The following FAM131B variants were observed in gnomAD, a reference collection of about 807,000 sequenced individuals.
FAM131B encodes protein FAM131B.
A neutral mutation model predicts 42.0 loss-of-function variants in FAM131B; 19 were observed. The observed-to-expected ratio is 0.45, with a 90% CI of 0.32 to 0.66. The LOEUF (loss-of-function observed/expected upper bound fraction) is 0.66, where lower values mean the gene tolerates loss of function less well. Ranked by LOEUF, FAM131B falls within the 30% of genes least tolerant of loss-of-function variation. The pLI is 0.05. For synonymous variants in FAM131B, 183 were observed against 177.6 expected (o/e 1.03, Z -0.24); for missense variants, 370 against 468.4 (o/e 0.79, Z 1.94).
rs1418776109 is a variant in FAM131B, at chr7:143,360,173, G to GC, written c.29-25dup. 10 of 1,582,510 alleles carry GC rather than the reference G, an allele frequency of 6.3e-6. 1 individual carries two copies. Among genetic ancestry groups the GC allele is most frequent in the Non-Finnish European group, 8.6e-6 (10 of 1,162,832 alleles). On this transcript the variant is annotated intron_variant, in intron 1 of 6. Transcript: ENST00000443739. ...CCCTGAGGGGGCCAGAAGGTTAGCC[G>GC]CCGGCCCTCACCTCCCTGTGCAGCC...
chr7:143,357,952 T>A (rs1164928255), intron 5 of FAM131B, among the ~76,000 whole-genome samples: 1 of 152,210 alleles, frequency 6.6e-6, no homozygotes, highest in Non-Finnish European at 1.5e-5. Flanking sequence ...AATTCGAGAT[T>A]TCCAGATATT....
In FAM131B at chr7:143,354,195, A is replaced by G. The variant is rs915691054; in HGVS notation, c.*2355T>C. ...CCCCACCTGACTTCCATCTGCAGCA[A>G]TATGCCAGCACCCTGGGGAAAGCAG... On this transcript the variant is annotated 3_prime_UTR_variant, in exon 7 of 7. Coordinates refer to ENST00000443739, the MANE Select transcript of FAM131B (RefSeq NM_001031690.3). 10 of 152,558 alleles carry G rather than the reference A, an allele frequency of 6.6e-5. No homozygotes were observed. The highest frequency in any genetic ancestry group is 2.4e-4 in the African/African-American group (10 of 41,406). 9.5% of individuals were successfully genotyped at this position (152,558 alleles called of 1,614,324 possible).
At chr7:143,381,572 A>G in the FAM131B span, 4 of 1,609,174 alleles carry the variant, frequency 2.5e-6, no homozygotes, top group Non-Finnish European at 3.4e-6. Flanking sequence ...CGGCCCGGCC[A>G]TGGCGGCCCC....
Position 143,356,098 on chromosome 7 carries a change from C to A in FAM131B, c.*452G>T, listed in dbSNP as rs544253210. The stretch of plus-strand genomic sequence containing the variant: ...CAGTAGGGATGAGCTGGGGCCACAG[C>A]CAGAGAAAACAGAGTTGGGAAAAGC... On this transcript the variant is annotated 3_prime_UTR_variant, in exon 7 of 7. Coordinates refer to ENST00000443739, the MANE Select transcript of FAM131B (RefSeq NM_001031690.3). The surrounding 1 kb of genome is among the most constrained non-coding windows in gnomAD (Gnocchi z 4.4). 1.7e-4 allele frequency: 30 copies of A among 176,882 alleles called. No individual in the cohort carries two copies. The highest frequency in any genetic ancestry group is 3.2e-4 in the Non-Finnish European group (26 of 82,422). The allele number at this position is 176,882 out of a possible 1,614,324, so 11.0% of individuals were successfully genotyped here. A position where few individuals can be genotyped will look rare whatever the true frequency, so the allele number is the denominator to read the frequency against.
chr7:143,381,813 A>T, the FAM131B span: 9 of 1,495,354 alleles, frequency 6.0e-6, no homozygotes, highest in Non-Finnish European at 8.0e-6. Flanking sequence ...GTACCCCGGC[A>T]GGAGCCGGGG....
intron 1 of FAM131B, chr7:143,360,594 T>C (rs983361917): frequency 5.7e-6 from 1 of 175,820 alleles, no homozygotes; most frequent in Non-Finnish European, 1.2e-5. Flanking sequence ...AGTCCATGAG[T>C]CTGACTGACT....
In FAM131B at chr7:143,362,239, G is replaced by T. The variant is rs1211271702; in HGVS notation, c.28+337C>A. Among the ~76,000 whole-genome samples the T allele has an allele frequency of 6.6e-6, 1 of 152,104 alleles. No homozygotes were observed. The highest frequency in any genetic ancestry group is 1.5e-5 in the Non-Finnish European group (1 of 68,004). ...GCGCTGGGGACGGCGGAGCAGAGGCGGATGGCCTGGAGGGGCAGGGATGAG... is the reference window on the plus strand; with the variant it reads ...GCGCTGGGGACGGCGGAGCAGAGGCTGATGGCCTGGAGGGGCAGGGATGAG... On this transcript the variant is annotated intron_variant, in intron 1 of 6. Coordinates refer to ENST00000443739, the MANE Select transcript of FAM131B (RefSeq NM_001031690.3). The surrounding 1 kb of genome is among the most constrained non-coding windows in gnomAD (Gnocchi z 7.7).
chr7:143,373,026 A>G, the FAM131B span, among the ~76,000 whole-genome samples: 1 of 152,148 alleles, frequency 6.6e-6, no homozygotes, highest in Non-Finnish European at 1.5e-5. Context: ...TGGTTACACC[A>G]TTAGTGGTTA....
At chr7:143,373,663 A>G in the FAM131B span, among the ~76,000 whole-genome samples, 1 of 152,176 alleles carries the variant, frequency 6.6e-6, no homozygotes, top group Non-Finnish European at 1.5e-5. Flanking sequence ...ATGCTTGCTG[A>G]AAAGGGCCTA....
Position 143,355,232 on chromosome 7 carries a change from G to A in FAM131B, c.*1318C>T, listed in dbSNP as rs1167325775. ...GCCCATCCTCTGCCTGTGCTCTCAC[G>A]GTAGTGCTGGGGCGCATATGCTGCT... is the stretch of plus-strand genomic sequence containing the variant. On this transcript the variant is annotated 3_prime_UTR_variant, in exon 7 of 7. Coordinates refer to ENST00000443739, the MANE Select transcript of FAM131B (RefSeq NM_001031690.3). The surrounding 1 kb of genome is among the most constrained non-coding windows in gnomAD (Gnocchi z 4.1). 1 of 152,420 alleles carries A rather than the reference G, an allele frequency of 6.6e-6. No individual in the cohort carries two copies. The highest frequency in any genetic ancestry group is 1.5e-5 in the Non-Finnish European group (1 of 68,202). The allele number at this position is 152,420 out of a possible 1,614,324, so 9.4% of individuals were successfully genotyped here.
rs1803884223 is a variant in FAM131B at position 143,360,121 on chromosome 7, C to T, written c.57G>A (p.Lys19=). 8 of 1,613,674 alleles carry T rather than the reference C, an allele frequency of 5.0e-6. 2 individuals are homozygous for T. In the South Asian group the frequency reaches 8.8e-5, roughly 18 times the overall value. ...TGATTTGATCGACATCCTTCAGGCC[C>T]TTCCAATCCACTGCAATCACCTCAT... The part of the protein sequence containing the change: ...VGNEVIAVDW[K]GLKDVDQINM... Residue 19 remains lysine (K), a synonymous_variant, in exon 2 of 7, where the codon AAG becomes AAA. Coordinates refer to ENST00000443739, the MANE Select transcript of FAM131B (RefSeq NM_001031690.3).
upstream of FAM131B, among the ~76,000 whole-genome samples, chr7:143,366,243 T>A (rs1804179903): frequency 6.6e-6 from 1 of 152,254 alleles, no homozygotes; most frequent in Admixed American, 6.5e-5. Context: ...AATACATCTA[T>A]CTACATTTCT....
At chr7:143,370,469 C>T in the FAM131B span, among the ~76,000 whole-genome samples, 154 of 152,246 alleles carry the variant, frequency 1.0e-3, no homozygotes, top group Non-Finnish European at 1.7e-3. Flanking sequence ...TTCTAAGTCA[C>T]AGGATGAGAT....
At chr7:143,366,029 G>A (rs1388410847), upstream of FAM131B, among the ~76,000 whole-genome samples, 1 of 152,180 alleles carries the variant, frequency 6.6e-6, no homozygotes, top group Non-Finnish European at 1.5e-5. Flanking sequence ...TTGAATTACA[G>A]GTGTGAGCCA....
At chr7:143,380,441 T>G in the FAM131B span, 1 of 984,398 alleles carries the variant, frequency 1.0e-6, no homozygotes, top group Non-Finnish European at 1.2e-6. The surrounding 1 kb of genome is among the most constrained non-coding windows in gnomAD (Gnocchi z 5.0). Context: ...TCGCCCGGGG[T>G]CTCCAAGAGG....
In FAM131B at chr7:143,362,531, G is replaced by T; in HGVS notation, c.28+45C>A. 12 of 1,088,598 alleles carry T rather than the reference G, an allele frequency of 1.1e-5. No individual in the cohort carries two copies. The highest frequency in any genetic ancestry group is 1.4e-5 in the Non-Finnish European group (12 of 859,112). The allele number at this position is 1,088,598 out of a possible 1,614,324, so 67.4% of individuals were successfully genotyped here. On this transcript the variant is annotated intron_variant, in intron 1 of 6. Transcript: ENST00000443739. The surrounding 1 kb of genome is among the most constrained non-coding windows in gnomAD (Gnocchi z 7.7). ...GGGATGGGGGAGGGGGTCGGAGGGCGGCCCGGGGGGCCCAGCCCTGCCCCC... is the reference window on the plus strand; with the variant it reads ...GGGATGGGGGAGGGGGTCGGAGGGCTGCCCGGGGGGCCCAGCCCTGCCCCC...
the FAM131B span, among the ~76,000 whole-genome samples, chr7:143,368,388 T>C: frequency 1.3e-5 from 2 of 152,240 alleles, no homozygotes; most frequent in Non-Finnish European, 2.9e-5. Context: ...TAGGCCTATC[T>C]GCCAGTTTTA....
At position 143,359,873 on chromosome 7, in the gene FAM131B, T is replaced by G. The variant is rs1361265323; in HGVS notation, c.139-106A>C. ...CAGGAGTGCGGGATGTGGGGAGGGC[T>G]TTCCTGAGGTTGATGCCGCTAACTG... is the stretch of plus-strand genomic sequence containing the variant. On this transcript the variant is annotated intron_variant, in intron 2 of 6. Coordinates refer to ENST00000443739, the MANE Select transcript of FAM131B (RefSeq NM_001031690.3). The surrounding 1 kb of genome is among the most constrained non-coding windows in gnomAD (Gnocchi z 5.4). 9.5e-6 allele frequency: 11 copies of G among 1,154,334 alleles called. No homozygotes were observed. Among genetic ancestry groups the G allele is most frequent in the Middle Eastern group, 2.3e-4 (1 of 4,364 alleles). 71.5% of individuals were successfully genotyped at this position (1,154,334 alleles called of 1,614,324 possible).
Position 143,354,990 on chromosome 7 carries a change from G to A in FAM131B, c.*1560C>T, listed in dbSNP as rs1427309548. On this transcript the variant is annotated 3_prime_UTR_variant, in exon 7 of 7. Coordinates refer to ENST00000443739, the MANE Select transcript of FAM131B (RefSeq NM_001031690.3). The stretch of plus-strand genomic sequence containing the variant: ...ACAACAGTGCTCCCTTCCAGCAGAG[G>A]ATGCAAGTGGTAGGACTCCTGACAG... The A allele has an allele frequency of 6.6e-6, 1 of 152,378 alleles. No homozygotes were observed. The highest frequency in any genetic ancestry group is 1.9e-4 in the East Asian group (1 of 5,174). The allele number at this position is 152,378 out of a possible 1,614,324, so 9.4% of individuals were successfully genotyped here.
Sources: allele counts gnomAD v4.1 joint callset (sites outside exome capture counted in the v4.1 genomes callset), GRCh38; gene constraint gnomAD v4.1.1; non-coding constraint Gnocchi (gnomAD v3.1); transcripts MANE v1.5; gene names NCBI Gene and HGNC (gene_info 2026-07-23, HGNC 2026-07-21).